Variants in SVIL observed in about 807,000 individuals in gnomAD.
SVIL encodes the protein supervillin, also known as archvillin.
SVIL carries 101 observed loss-of-function variants against 240.4 expected under a neutral mutation model. That is an observed-to-expected ratio of 0.42 (90% CI 0.36 to 0.50). The LOEUF is 0.50. Among genes scored for constraint, SVIL ranks in the 20% least tolerant of loss-of-function variants. The pLI, the probability that SVIL is intolerant of heterozygous loss-of-function variation, is 0.01. For missense variants in SVIL, 2,512 were observed against 2,818.7 expected (o/e 0.89, Z 2.46); for synonymous variants, 999 against 1,100.0 (o/e 0.91, Z 1.82).
chr10:29,736,509 T>G (rs1360358099), upstream of SVIL, among the ~76,000 whole-genome samples: 3 of 152,034 alleles, frequency 2.0e-5, no homozygotes, highest in Non-Finnish European at 2.9e-5. Flanking sequence ...CAACTCGCTC[T>G]GTCGCCCGAG....
intron 2 of SVIL, among the ~76,000 whole-genome samples, chr10:29,678,410 C>T (rs932798727): frequency 5.3e-5 from 8 of 152,168 alleles, no homozygotes; most frequent in Middle Eastern, 3.4e-3. Context: ...GAATCTAATG[C>T]TACTGCTGAT....
At chr10:29,521,754 T>C (rs1038020389) in intron 16 of SVIL, among the ~76,000 whole-genome samples, 1 of 152,244 alleles carries the variant, frequency 6.6e-6, no homozygotes, top group Non-Finnish European at 1.5e-5. Flanking sequence ...TCCAGTTCTC[T>C]GTATCTGTCT....
At chr10:29,501,456 G>A (rs1468844689) in intron 17 of SVIL, among the ~76,000 whole-genome samples, 1 of 150,048 alleles carries the variant, frequency 6.7e-6, no homozygotes, top group African/African-American at 2.4e-5. Context: ...GTGGGGTGAG[G>A]AGTGGAGGGA....
At position 29,522,420 on chromosome 10, in the gene SVIL, T is replaced by C. The variant is rs1390187333; in HGVS notation, c.3379A>G (p.Ile1127Val). 4 of 1,614,190 alleles carry C rather than the reference T, an allele frequency of 2.5e-6. No individual in the cohort carries two copies. The highest frequency in any genetic ancestry group is 1.6e-4 in the Middle Eastern group (1 of 6,062). ...LLDSPSKTMS[I>V]KERLALLKKS... Reference sequence around the variant, plus strand: ...ACCGAATCTCATTACCTTTCTTTAATAGACATGGTTTTGCTGGGTGAGTCA... The same window carrying C: ...ACCGAATCTCATTACCTTTCTTTAACAGACATGGTTTTGCTGGGTGAGTCA... The change falls in exon 16 of 38, where the codon ATT becomes GTT. Residue 1127 changes from isoleucine (I) to valine (V), a missense_variant. By Grantham distance (29) the Ile-to-Val change is conservative. Coordinates refer to ENST00000355867, the MANE Select transcript of SVIL (RefSeq NM_021738.3).
At chr10:29,701,169 T>C (rs12244665) in intron 1 of SVIL, among the ~76,000 whole-genome samples, 53 of 151,846 alleles carry the variant, frequency 3.5e-4, no homozygotes, top group African/African-American at 1.2e-3. Flanking sequence ...ACTGCAAAAA[T>C]AGACCATGCA....
rs1315211079 is a variant in SVIL at position 29,506,722 on chromosome 10, T to C, written c.3516+6013A>G. Among the ~76,000 whole-genome samples, 188 of 66,634 alleles carry C rather than the reference T, an allele frequency of 2.8e-3. 3 individuals are homozygous for C. The highest frequency in any genetic ancestry group is 8.1e-3 in the South Asian group (17 of 2,110). The allele number at this position is 66,634 out of a possible 152,430, so 43.7% of individuals were successfully genotyped here. ...GCCCTACGAGGGAGGGGATAGAGACTCTACGAAGGAGGGGACAGAGGCCCT... is the reference window on the plus strand; with the variant it reads ...GCCCTACGAGGGAGGGGATAGAGACCCTACGAAGGAGGGGACAGAGGCCCT... On this transcript the variant is annotated intron_variant, in intron 17 of 37. Coordinates refer to ENST00000355867, the MANE Select transcript of SVIL (RefSeq NM_021738.3).
chr10:29,493,014 G>A (rs1421835306), intron 21 of SVIL, among the ~76,000 whole-genome samples, 200 bp downstream of exon 21: 2 of 152,122 alleles, frequency 1.3e-5, no homozygotes, highest in East Asian at 1.9e-4. Flanking sequence ...CTGGTCTGCC[G>A]TCTGCATGTT....
chr10:29,590,739 A>G (rs1381334416), intron 1 of SVIL, among the ~76,000 whole-genome samples: 1 of 152,126 alleles, frequency 6.6e-6, no homozygotes, highest in Non-Finnish European at 1.5e-5. Flanking sequence ...ATACCTTTAA[A>G]CCTCATCCTG....
At chr10:29,708,596 G>C (rs987545857) in intron 1 of SVIL, among the ~76,000 whole-genome samples, 2 of 152,052 alleles carry the variant, frequency 1.3e-5, no homozygotes, top group African/African-American at 4.8e-5. Flanking sequence ...ACTCCAGCCT[G>C]GGCAACTCCG....
chr10:29,462,874 A>G (rs1944427068), intron 35 of SVIL, among the ~76,000 whole-genome samples: 1 of 152,250 alleles, frequency 6.6e-6, no homozygotes, highest in South Asian at 2.1e-4. Context: ...AAGAGAATCC[A>G]TTGCACATAC....
At position 29,711,131 on chromosome 10, in the gene SVIL, G is replaced by T. The variant is rs181249239; in HGVS notation, c.-399-24480C>A. On this transcript the variant is annotated intron_variant, in intron 1 of 35. Transcript: ENST00000375400. ...AAAAATTCAAGGGGGCCAGAATGGCGACTCATGCCTGTAATCCCAGCACTT... is the reference window on the plus strand; with the variant it reads ...AAAAATTCAAGGGGGCCAGAATGGCTACTCATGCCTGTAATCCCAGCACTT... 7.2e-3 allele frequency among the ~76,000 whole-genome samples: 1,092 copies of T among 152,324 alleles called. 4 individuals carry two copies. The highest frequency in any genetic ancestry group is 0.011 in the Non-Finnish European group (771 of 68,030).
At chr10:29,504,045 A>G (rs1364292024) in intron 17 of SVIL, among the ~76,000 whole-genome samples, 1 of 152,248 alleles carries the variant, frequency 6.6e-6, no homozygotes, top group African/African-American at 2.4e-5. Context: ...ATTCATATAA[A>G]TTTAGTCAAC....
intron 17 of SVIL, among the ~76,000 whole-genome samples, chr10:29,500,260 C>G (rs1378971774): frequency 1.3e-5 from 2 of 152,044 alleles, no homozygotes; most frequent in Non-Finnish European, 2.9e-5. Context: ...CGCTGGCCGG[C>G]AGAGTTTGCT....
At chr10:29,554,231 A>AG (rs200509996) in intron 5 of SVIL, among the ~76,000 whole-genome samples, 1 of 151,642 alleles carries the variant, frequency 6.6e-6, no homozygotes, top group African/African-American at 2.4e-5. Context: ...GGATCACTTG[A>AG]CCTTGGGAGG....
At chr10:29,695,660 C>T (rs1341681928) in intron 1 of SVIL, among the ~76,000 whole-genome samples, 1 of 152,096 alleles carries the variant, frequency 6.6e-6, no homozygotes, top group East Asian at 1.9e-4. Flanking sequence ...GGGAGAATTG[C>T]TTGAACCCAG....
At chr10:29,701,328 G>C (rs1457234327) in intron 1 of SVIL, among the ~76,000 whole-genome samples, 3 of 136,532 alleles carry the variant, frequency 2.2e-5, no homozygotes, top group Non-Finnish European at 4.8e-5. Flanking sequence ...TGTACTCCAA[G>C]AGAGAATAAG....
chr10:29,528,760 C>A (rs1951123483), intron 12 of SVIL, among the ~76,000 whole-genome samples: 1 of 151,756 alleles, frequency 6.6e-6, no homozygotes, highest in South Asian at 2.1e-4. Flanking sequence ...ATGCCCCCCG[C>A]AAAAATAAGA....
rs761295571 is a variant in SVIL, at chr10:29,486,221, T to C, written c.4643A>G (p.Asp1548Gly). The part of the protein sequence containing the change: ...GGQTSYQSAG[D>G]PKEDELYEAA... ...TTCATAGAGTTCATCTTCTTTTGGG[T>C]CTCCAGCAGCTTGGGGATAAGAAGA... The change falls in exon 26 of 38, where the codon GAC (aspartate) becomes GGC (glycine). Residue 1548 changes from aspartate to glycine, a missense_variant. Physicochemically the swap from Asp to Gly is moderately conservative, Grantham distance 94 (BLOSUM62 -1). Around this residue, in one of 3 missense-constraint regions of SVIL, gnomAD observed 797 missense variants for 925.3 expected, o/e 0.86. Coordinates refer to ENST00000355867, the MANE Select transcript of SVIL (RefSeq NM_021738.3). 1 of 1,613,998 alleles carries C rather than the reference T, an allele frequency of 6.2e-7. No individual in the cohort carries two copies. The highest frequency in any genetic ancestry group is 2.2e-5 in the East Asian group (1 of 44,894).
Position 29,551,166 on chromosome 10 carries a change from T to C in SVIL, c.258A>G (p.Ser86=). ...CTETSGVHGD[S]PYGSGTMDTH... ...TGTCCATGGTACCCGAACCATAGGG[T>C]GAGTCACCGTGGACACCGGAGGTTT... Residue 86 remains serine, a synonymous_variant, in exon 6 of 38, where the codon TCA becomes TCG. Coordinates refer to ENST00000355867, the MANE Select transcript of SVIL (RefSeq NM_021738.3). 3.7e-6 allele frequency: 6 copies of C among 1,614,078 alleles called. No homozygotes were observed. The highest frequency in any genetic ancestry group is 5.1e-6 in the Non-Finnish European group (6 of 1,180,022).
Sources: gnomAD v4.1 joint callset for allele counts (sites outside exome capture counted in the v4.1 genomes callset) on GRCh38, gnomAD v4.1.1 for gene constraint, gnomAD v4.1.1 regional missense constraint, MANE v1.5 for transcripts, NCBI Gene and HGNC (gene_info 2026-07-23, HGNC 2026-07-21) for gene names.